EMID1: variants seen among roughly 807,000 people sequenced by gnomAD.
EMID1 encodes the protein EMI domain-containing protein 1.
In EMID1, 40 loss-of-function variants were observed where a neutral mutation model predicts 60.6. The ratio of observed to expected loss-of-function variants is 0.66; its 90% confidence interval spans 0.51 to 0.86. EMID1 has a LOEUF of 0.86. Ranked by LOEUF, EMID1 falls within the 40% of genes least tolerant of loss-of-function variation. The pLI is 0.00. For missense variants in EMID1, 585 were observed against 597.1 expected, an observed-to-expected ratio of 0.98 and a Z score of 0.21; for synonymous variants, 242 against 231.0, an observed-to-expected ratio of 1.05 and a Z score of -0.43.
At chr22:29,220,172 G>A (rs972376337) in intron 3 of EMID1, among the ~76,000 whole-genome samples, 5 of 152,070 alleles carry the variant, frequency 3.3e-5, no homozygotes, top group African/African-American at 7.2e-5. Context: ...TCCCATACAC[G>A]GCCTTGGCAG....
chr22:29,233,497 G>A (rs1479967089), intron 9 of EMID1, 29 bp downstream of exon 9: 1 of 1,611,938 alleles, frequency 6.2e-7, no homozygotes, highest in East Asian at 2.2e-5. Context: ...AGGGGTAAAG[G>A]GTGAAGTTGG....
chr22:29,226,614 A>T (rs1207902454), intron 5 of EMID1, 63 bp downstream of exon 5: 1 of 1,529,910 alleles, frequency 6.5e-7, no homozygotes, highest in Non-Finnish European at 8.8e-7. Context: ...GGCAACCACC[A>T]TCCCACCCTC....
At chr22:29,246,665 C>T (rs1023479580) in intron 13 of EMID1, among the ~76,000 whole-genome samples, 5 of 152,134 alleles carry the variant, frequency 3.3e-5, no homozygotes, top group Non-Finnish European at 7.3e-5. Context: ...GTAGGGTTGT[C>T]CAGCAGGCCC....
Position 29,205,957 on chromosome 22 carries a change from G to A in EMID1, c.-82G>A. 1 of 867,264 alleles carries A rather than the reference G, an allele frequency of 1.2e-6. No homozygotes were observed. Among genetic ancestry groups the A allele is most frequent in the Non-Finnish European group, 1.4e-6 (1 of 700,848 alleles). The allele number at this position is 867,264 out of a possible 1,614,324, so 53.7% of individuals were successfully genotyped here. A position where few individuals can be genotyped will look rare whatever the true frequency, so the allele number is the denominator to read the frequency against. On this transcript the variant is annotated 5_prime_UTR_variant, in exon 1 of 15. Coordinates refer to ENST00000334018, the MANE Select transcript of EMID1 (RefSeq NM_133455.4). The stretch of plus-strand genomic sequence containing the variant: ...CGGGCTCCGCGCGTCCGGGGCGGCT[G>A]GCGGCGCGGGCAGGCAGGCGGGGAG...
chr22:29,240,567 G>A (rs139334214), intron 12 of EMID1, among the ~76,000 whole-genome samples: 1 of 152,158 alleles, frequency 6.6e-6, no homozygotes, highest in Admixed American at 6.5e-5. Context: ...AAAACCCCTC[G>A]TGGCCTCTGG....
Position 29,232,302 on chromosome 22 carries a change from C to T in EMID1, c.723C>T (p.Gly241=), listed in dbSNP as rs1268592812. 2.5e-6 allele frequency: 4 copies of T among 1,611,324 alleles called. No homozygotes were observed. Among genetic ancestry groups the T allele is most frequent in the Non-Finnish European group, 3.4e-6 (4 of 1,179,722 alleles). Residue 241 remains glycine, a synonymous_variant, in exon 8 of 15, where the codon GGC becomes GGT. Transcript: ENST00000334018. The part of the protein sequence containing the change: ...PGSPGRAGAV[G]TPGERGPPGP... ...GCCCTGGCCGGGCTGGAGCTGTGGG[C>T]ACCCCTGGAGAGAGGGGACCTCCTG...
At chr22:29,250,121 TG>T (rs2041472384) in intron 13 of EMID1, among the ~76,000 whole-genome samples, 1 of 152,154 alleles carries the variant, frequency 6.6e-6, no homozygotes, top group South Asian at 2.1e-4. Context: ...CTGGGTGTGG[TG>T]GTGCACACCT....
intron 13 of EMID1, among the ~76,000 whole-genome samples, chr22:29,253,692 G>A (rs1354081890): frequency 6.6e-6 from 1 of 152,208 alleles, no homozygotes; most frequent in Non-Finnish European, 1.5e-5. Context: ...GGGCATAAGT[G>A]GAAATACTGG....
chr22:29,234,551 T>A (rs1429937145), intron 12 of EMID1, among the ~76,000 whole-genome samples: 2 of 152,222 alleles, frequency 1.3e-5, no homozygotes, highest in Non-Finnish European at 2.9e-5. Context: ...TCTGTTTCTC[T>A]GTATCTCTCT....
chr22:29,224,757 C>A (rs2040435517), intron 3 of EMID1, among the ~76,000 whole-genome samples: 1 of 152,222 alleles, frequency 6.6e-6, no homozygotes, highest in South Asian at 2.1e-4. Context: ...CCTTAGAATC[C>A]CATTTTACAG....
intron 14 of EMID1, 61 bp downstream of exon 14, chr22:29,254,348 C>A: frequency 6.6e-7 from 1 of 1,518,616 alleles, no homozygotes; most frequent in Non-Finnish European, 9.1e-7. Flanking sequence ...CTTCCCCAAG[C>A]CCTCCTGGGG....
chr22:29,219,827 GC>G (rs2146190861), intron 3 of EMID1, among the ~76,000 whole-genome samples: 1 of 152,192 alleles, frequency 6.6e-6, no homozygotes, highest in African/African-American at 2.4e-5. Flanking sequence ...TGAGATTCTA[GC>G]CCAGGCCCTT....
At chr22:29,220,554 G>A (rs993000584) in intron 3 of EMID1, among the ~76,000 whole-genome samples, 1 of 152,098 alleles carries the variant, frequency 6.6e-6, no homozygotes, top group African/African-American at 2.4e-5. Flanking sequence ...ACTAAACCGA[G>A]CAGAGCAGAT....
chr22:29,218,315 G>A (rs1474676857), intron 3 of EMID1, among the ~76,000 whole-genome samples: 1 of 152,342 alleles, frequency 6.6e-6, no homozygotes, highest in Non-Finnish European at 1.5e-5. Flanking sequence ...AGGACTTCAC[G>A]GCACTGGGCC....
chr22:29,212,983 C>T (rs892362157), intron 1 of EMID1, among the ~76,000 whole-genome samples: 6 of 152,298 alleles, frequency 3.9e-5, no homozygotes, highest in South Asian at 2.1e-4. Context: ...GTGTAGTAGA[C>T]GGAGCAGATG....
intron 7 of EMID1, chr22:29,231,921 T>G: frequency 3.6e-6 from 2 of 561,560 alleles, no homozygotes; most frequent in Non-Finnish European, 6.2e-6. Context: ...GGGCACTGGG[T>G]GGGGTCAGAC....
At chr22:29,233,141 G>A (rs1305800642) in intron 8 of EMID1, 1 of 569,170 alleles carries the variant, frequency 1.8e-6, no homozygotes, top group Non-Finnish European at 3.1e-6. Context: ...AGTAGAAAGT[G>A]TTGCTGGATG....
In EMID1 at chr22:29,226,521, G is replaced by A. The variant is rs1401234382; in HGVS notation, c.435G>A (p.Leu145=). 6.2e-7 allele frequency: 1 copy of A among 1,611,950 alleles called. No homozygotes were observed. Among genetic ancestry groups the A allele is most frequent in the Non-Finnish European group, 8.5e-7 (1 of 1,179,014 alleles). Residue 145 remains leucine, a synonymous_variant, in exon 5 of 15, where the codon CTG becomes CTA. Transcript: ENST00000334018. The part of the protein sequence containing the change: ...GCLNCSKVSE[L]TERLKVLEAK... ...TCAACTGCAGCAAAGTGTCAGAGCTGACAGAGCGGCTGAAGGTGCTGGAGG... is the reference window on the plus strand; with the variant it reads ...TCAACTGCAGCAAAGTGTCAGAGCTAACAGAGCGGCTGAAGGTGCTGGAGG...
intron 1 of EMID1, among the ~76,000 whole-genome samples, chr22:29,207,479 G>GAC (rs2146081684): frequency 6.6e-6 from 1 of 152,072 alleles, no homozygotes; most frequent in African/African-American, 2.4e-5. Flanking sequence ...ATGCTAAGAG[G>GAC]ACAGAGACTA....
Sources: allele counts gnomAD v4.1 joint callset (sites outside exome capture counted in the v4.1 genomes callset), GRCh38; gene constraint gnomAD v4.1.1; transcripts MANE v1.5; gene names NCBI Gene and HGNC (gene_info 2026-07-23, HGNC 2026-07-21).